The following XKR6 variants were observed in gnomAD, a reference collection of about 807,000 sequenced individuals.
XKR6 encodes the protein XK-related protein 6.
A neutral mutation model predicts 56.7 loss-of-function variants in XKR6; 22 were observed. The ratio of observed to expected loss-of-function variants is 0.39; its 90% confidence interval spans 0.28 to 0.55. XKR6 has a LOEUF of 0.55. Among genes scored for constraint, XKR6 ranks in the 20% least tolerant of loss-of-function variants. XKR6 has a pLI of 0.66. For missense variants in XKR6, 852 were observed against 889.0 expected (o/e 0.96, Z 0.53); for synonymous variants, 524 against 387.8 (o/e 1.35, Z -4.13).
At chr8:10,940,278 C>T (rs1479613224) in intron 1 of XKR6, among the ~76,000 whole-genome samples, 2 of 152,208 alleles carry the variant, frequency 1.3e-5, no homozygotes, top group Non-Finnish European at 2.9e-5. Context: ...ACTCACAGGA[C>T]TCTCACTGTA....
At chr8:11,021,527 T>C (rs1798748961) in intron 1 of XKR6, among the ~76,000 whole-genome samples, 1 of 152,120 alleles carries the variant, frequency 6.6e-6, no homozygotes, top group Non-Finnish European at 1.5e-5. Flanking sequence ...AATTCATTAG[T>C]AGCTTCTAGC....
At chr8:11,006,124 G>A (rs1289506220) in intron 1 of XKR6, among the ~76,000 whole-genome samples, 1 of 152,140 alleles carries the variant, frequency 6.6e-6, no homozygotes, top group South Asian at 2.1e-4. Context: ...GATTACAGGC[G>A]TGAACCACTG....
intron 1 of XKR6, among the ~76,000 whole-genome samples, chr8:11,101,827 C>T (rs1285366937): frequency 6.6e-6 from 1 of 152,150 alleles, no homozygotes; most frequent in Non-Finnish European, 1.5e-5. Flanking sequence ...GAGTGTCCTC[C>T]TAAGCCCTTT....
chr8:10,947,210 GAA>G (rs984512660), intron 1 of XKR6, among the ~76,000 whole-genome samples: 1 of 152,184 alleles, frequency 6.6e-6, no homozygotes, highest in South Asian at 2.1e-4. Flanking sequence ...AGTGGCAGAG[GAA>G]AAGAGAGAAA....
chr8:11,015,120 TG>T (rs2129146932), intron 1 of XKR6, among the ~76,000 whole-genome samples: 1 of 151,536 alleles, frequency 6.6e-6, no homozygotes, highest in South Asian at 2.1e-4. Context: ...AGGAGGCGCT[TG>T]GGGGCGCCTC....
At chr8:10,999,378 AT>A (rs1194084298) in intron 1 of XKR6, among the ~76,000 whole-genome samples, 1 of 152,258 alleles carries the variant, frequency 6.6e-6, no homozygotes, top group Non-Finnish European at 1.5e-5. Context: ...TACAAATTGT[AT>A]TTAGAATATG....
At chr8:11,107,263 G>A (rs115601140) in intron 1 of XKR6, among the ~76,000 whole-genome samples, 1 of 151,288 alleles carries the variant, frequency 6.6e-6, no homozygotes, top group Non-Finnish European at 1.5e-5. Context: ...GCAGTGGCAC[G>A]ATCACAGCTC....
At chr8:11,087,057 C>A (rs1480540584) in intron 1 of XKR6, among the ~76,000 whole-genome samples, 1 of 152,124 alleles carries the variant, frequency 6.6e-6, no homozygotes, top group African/African-American at 2.4e-5. Flanking sequence ...CCCCGAACTC[C>A]CCTCTGAACT....
chr8:11,189,012 C>A (rs984109224), intron 1 of XKR6, among the ~76,000 whole-genome samples: 16 of 152,174 alleles, frequency 1.1e-4, no homozygotes, highest in Non-Finnish European at 2.2e-4. Context: ...CCCCTCATCC[C>A]CTCTCCTGGC....
intron 1 of XKR6, among the ~76,000 whole-genome samples, chr8:11,050,950 C>T (rs1398007064): frequency 6.6e-6 from 1 of 152,140 alleles, no homozygotes; most frequent in Non-Finnish European, 1.5e-5. Flanking sequence ...ATCCTCTGAC[C>T]TCACATCTCC....
At chr8:10,979,823 G>A (rs1411764225) in intron 1 of XKR6, among the ~76,000 whole-genome samples, 2 of 152,204 alleles carry the variant, frequency 1.3e-5, no homozygotes, top group African/African-American at 2.4e-5. Flanking sequence ...CCAGGGCTGT[G>A]CCGTCACGCA....
At chr8:10,998,771 C>T (rs1798172661) in intron 1 of XKR6, among the ~76,000 whole-genome samples, 1 of 152,200 alleles carries the variant, frequency 6.6e-6, no homozygotes, top group Admixed American at 6.5e-5. Flanking sequence ...ACCTGACCAC[C>T]CCCTTTTGGT....
intron 1 of XKR6, among the ~76,000 whole-genome samples, chr8:11,188,140 T>G (rs977932511): frequency 6.6e-6 from 1 of 152,152 alleles, no homozygotes; most frequent in African/African-American, 2.4e-5. Context: ...TAATTTGAGA[T>G]AGTGAGTTGA....
chr8:11,105,353 C>T (rs113673380), intron 1 of XKR6: 6 of 152,322 alleles, frequency 3.9e-5, no homozygotes, highest in African/African-American at 1.4e-4. Context: ...ATGGTGAAGT[C>T]CCCATCCTGT....
At chr8:10,916,134 T>A (rs1380794528) in intron 2 of XKR6, among the ~76,000 whole-genome samples, 1 of 152,190 alleles carries the variant, frequency 6.6e-6, no homozygotes, top group Non-Finnish European at 1.5e-5. Context: ...CCAGGCAGCG[T>A]GGAGCACTGG....
chr8:11,075,088 G>A (rs948829299), intron 1 of XKR6, among the ~76,000 whole-genome samples: 1 of 152,190 alleles, frequency 6.6e-6, no homozygotes, highest in Non-Finnish European at 1.5e-5. Context: ...GGGGAGGGAA[G>A]AGGATGCTGC....
chr8:11,100,269 G>C (rs1026712063), intron 1 of XKR6, among the ~76,000 whole-genome samples: 3 of 152,256 alleles, frequency 2.0e-5, no homozygotes, highest in African/African-American at 7.2e-5. Context: ...GCCCAGGCTG[G>C]TCTCGAAATT....
intron 1 of XKR6, among the ~76,000 whole-genome samples, chr8:11,024,591 T>C (rs766420901): frequency 1.3e-5 from 2 of 152,194 alleles, no homozygotes; most frequent in Non-Finnish European, 2.9e-5. Flanking sequence ...TCTCCCAGAC[T>C]TCATCTGTCC....
At chr8:11,079,914 G>A (rs184107555) in intron 1 of XKR6, among the ~76,000 whole-genome samples, 174 of 152,264 alleles carry the variant, frequency 1.1e-3, no homozygotes, top group African/African-American at 4.0e-3. Context: ...CTGCAAGTAA[G>A]CCATGATTGT....
Sources: gnomAD v4.1 joint callset for allele counts (sites outside exome capture counted in the v4.1 genomes callset) on GRCh38, gnomAD v4.1.1 for gene constraint, MANE v1.5 for transcripts, NCBI Gene and HGNC (gene_info 2026-07-23, HGNC 2026-07-21) for gene names.